Variants in MUC5B observed in about 807,000 individuals in gnomAD.
The protein encoded by MUC5B is mucin 5B, oligomeric mucus/gel-forming.
MUC5B carries 116 observed loss-of-function variants against 376.9 expected under a neutral mutation model. That is an observed-to-expected ratio of 0.31 (90% confidence interval 0.26 to 0.36). MUC5B has a LOEUF of 0.36. MUC5B is among the 10% of genes least tolerant of loss of function. MUC5B has a pLI of 1.00. For synonymous variants in MUC5B, 3,517 were observed against 3,390.9 expected (o/e 1.04, Z -1.29); for missense variants, 7,165 against 7,769.9 (o/e 0.92, Z 2.93).
At chr11:1,231,044 C>T (rs756705082) in intron 13 of MUC5B, 39 bp downstream of exon 13, 2 of 1,540,556 alleles carry the variant, frequency 1.3e-6, no homozygotes, top group African/African-American at 1.4e-5. Context: ...TGGGTGGCGC[C>T]TGCTTGCAGG....
At position 1,241,518 on chromosome 11, in the gene MUC5B, C is replaced by T. The variant is rs1564938703; in HGVS notation, c.4638C>T (p.Asp1546=). 1 of 1,613,292 alleles carries T rather than the reference C, an allele frequency of 6.2e-7. No individual in the cohort carries two copies. The highest frequency in any genetic ancestry group is 8.5e-7 in the Non-Finnish European group (1 of 1,179,748). The change falls in exon 31 of 49, where the codon GAC becomes GAT. Residue 1546 remains aspartate (D), a synonymous_variant. Coordinates refer to ENST00000529681, the MANE Select transcript of MUC5B (RefSeq NM_002458.3). ...AGGHLCQQPK[D]IECQAESFPN... ...GGCACTTATGCCAGCAGCCTAAGGA[C>T]ATAGAGTGCCAGGCCGAGAGCTTCC...
chr11:1,228,899 G>A lies in MUC5B; in HGVS notation c.976+134G>A. The stretch of plus-strand genomic sequence containing the variant: ...CAGAGGACCCACCCCAGGCATAGTG[G>A]GCAGAGGCCACCCCAGGACCCCAGG... On this transcript the variant is annotated intron_variant, in intron 8 of 48. Coordinates refer to ENST00000529681, the MANE Select transcript of MUC5B (RefSeq NM_002458.3). 4.4e-6 allele frequency: 4 copies of A among 915,542 alleles called. No individual in the cohort carries two copies. In the South Asian group the frequency reaches 7.3e-5, roughly 17 times the overall value. 56.7% of individuals were successfully genotyped at this position (915,542 alleles called of 1,614,324 possible).
chr11:1,251,060 C>T lies in MUC5B; in HGVS notation c.14180C>T (p.Ser4727Phe). The change falls in exon 31 of 49, where the codon TCC becomes TTC. Residue 4727 changes from serine to phenylalanine, a missense_variant. Transcript: ENST00000529681. ...ACCAGCTCCAAAGCCACTTCCTCCT[C>T]CAGTCCAAGGACTGCAACCACCCTT... ...AATSSKATSSSSPRTATTLPV... is the reference protein window; with the variant it reads ...AATSSKATSSFSPRTATTLPV... 1.2e-6 allele frequency: 2 copies of T among 1,611,506 alleles called. No individual in the cohort carries two copies. The highest frequency in any genetic ancestry group is 2.2e-5 in the South Asian group (2 of 91,034).
chr11:1,228,483 C>A, intron 7 of MUC5B, 81 bp from the exon 8 acceptor site: 2 of 1,333,720 alleles, frequency 1.5e-6, no homozygotes, highest in Non-Finnish European at 2.0e-6. Context: ...CCCGGCCTGG[C>A]CTGCCATGGG....
Position 1,251,151 on chromosome 11 carries a change from C to A in MUC5B, c.14271C>A (p.Thr4757=), listed in dbSNP as rs765948744. 1 of 1,611,256 alleles carries A rather than the reference C, an allele frequency of 6.2e-7. No homozygotes were observed. The highest frequency in any genetic ancestry group is 8.5e-7 in the Non-Finnish European group (1 of 1,178,234). Residue 4757 remains threonine (T), a synonymous_variant, in exon 31 of 49, where the codon ACC becomes ACA. Coordinates refer to ENST00000529681, the MANE Select transcript of MUC5B (RefSeq NM_002458.3). ...ATSFTPIPSS[T]LWTTWTVPAQ... Reference sequence around the variant, plus strand: ...GCTTTACACCCATCCCCTCCTCCACCCTGTGGACCACGTGGACCGTCCCAG... The same window carrying A: ...GCTTTACACCCATCCCCTCCTCCACACTGTGGACCACGTGGACCGTCCCAG...
At chr11:1,223,611 C>A (rs948099731) in intron 1 of MUC5B, among the ~76,000 whole-genome samples, 1 of 152,194 alleles carries the variant, frequency 6.6e-6, no homozygotes, top group Non-Finnish European at 1.5e-5. Flanking sequence ...CCGGCTCTAC[C>A]CTTCACGACC....
In MUC5B at chr11:1,252,505, A is replaced by G. The variant is rs1202170821; in HGVS notation, c.15026A>G (p.Asn5009Ser). ...SSPSPAPGCD[N>S]AIPLRQVNET... is the part of the protein sequence containing the mutation. Reference sequence around the variant, plus strand: ...CCCTCCCCTGCCCCTGGCTGTGACAATGCCATCCCTCTCCGGCAGGTGGGC... The same window carrying G: ...CCCTCCCCTGCCCCTGGCTGTGACAGTGCCATCCCTCTCCGGCAGGTGGGC... Residue 5009 changes from asparagine to serine, a missense_variant, in exon 32 of 49, where the codon AAT becomes AGT. Coordinates refer to ENST00000529681, the MANE Select transcript of MUC5B (RefSeq NM_002458.3). The G allele has an allele frequency of 1.9e-6, 3 of 1,561,058 alleles. No individual in the cohort carries two copies. Among genetic ancestry groups the G allele is most frequent in the East Asian group, 2.3e-5 (1 of 44,302 alleles).
chr11:1,247,433 C>A lies in MUC5B; in HGVS notation c.10553C>A (p.Thr3518Asn). The A allele has an allele frequency of 6.2e-7, 1 of 1,609,860 alleles. No homozygotes were observed. Among genetic ancestry groups the A allele is most frequent in the Non-Finnish European group, 8.5e-7 (1 of 1,178,962 alleles). The change falls in exon 31 of 49, where the codon ACC becomes AAC. Residue 3518 changes from threonine (T) to asparagine (N), a missense_variant. This residue lies in a region of MUC5B where 939 missense variants were observed against 770.6 expected (regional missense o/e 1.22). Coordinates refer to ENST00000529681, the MANE Select transcript of MUC5B (RefSeq NM_002458.3). Reference protein sequence around the residue: ...ALSSPHPSSRTTESPPSPGTT... With the variant: ...ALSSPHPSSRNTESPPSPGTT... Reference sequence around the variant, plus strand: ...TCCAGCCCTCACCCTAGCAGCAGGACCACCGAGTCACCCCCTTCTCCAGGG... The same window carrying A: ...TCCAGCCCTCACCCTAGCAGCAGGAACACCGAGTCACCCCCTTCTCCAGGG...
rs368062236 is a variant in MUC5B at position 1,247,287 on chromosome 11, A to C, written c.10407A>C (p.Thr3469=). 6.2e-7 allele frequency: 1 copy of C among 1,611,724 alleles called. No individual in the cohort carries two copies. The highest frequency in any genetic ancestry group is 1.1e-5 in the South Asian group (1 of 90,974). The change falls in exon 31 of 49, where the codon ACA becomes ACC. Residue 3469 remains threonine, a synonymous_variant. Coordinates refer to ENST00000529681, the MANE Select transcript of MUC5B (RefSeq NM_002458.3). The part of the protein sequence containing the change: ...LPPSSPHTVR[T]AWTSATSGIL... ...CCAGCAGTCCCCACACGGTGCGCAC[A>C]GCCTGGACTTCGGCCACCTCGGGCA...
Position 1,249,448 on chromosome 11 carries a change from G to A in MUC5B, c.12568G>A (p.Val4190Ile), listed in dbSNP as rs1340694750. The change falls in exon 31 of 49, where the codon GTC becomes ATC. Residue 4190 changes from valine (V) to isoleucine (I), a missense_variant. By Grantham distance (29) the Val-to-Ile change is conservative. Transcript: ENST00000529681. ...PGVPLGELGQ[V>I]VECSLDFGLV... Reference sequence around the variant, plus strand: ...TGTCCCCCTGGGGGAGTTGGGCCAGGTCGTGGAATGCAGCCTGGACTTTGG... The same window carrying A: ...TGTCCCCCTGGGGGAGTTGGGCCAGATCGTGGAATGCAGCCTGGACTTTGG... 2.5e-6 allele frequency: 4 copies of A among 1,611,342 alleles called. No individual in the cohort carries two copies. Among genetic ancestry groups the A allele is most frequent in the East Asian group, 2.2e-5 (1 of 44,886 alleles).
Position 1,238,953 on chromosome 11 carries a change from C to T in MUC5B, c.3380C>T (p.Thr1127Met), listed in dbSNP as rs756586772. 5 of 1,576,336 alleles carry T rather than the reference C, an allele frequency of 3.2e-6. No individual in the cohort carries two copies. The highest frequency in any genetic ancestry group is 1.3e-5 in the African/African-American group (1 of 74,208). The change falls in exon 26 of 49, where the codon ACG becomes ATG. Residue 1127 changes from threonine to methionine, a missense_variant. Physicochemically the swap from Thr to Met is moderately conservative, Grantham distance 81. Around this residue, in one of 31 missense-constraint regions of MUC5B, gnomAD observed 143 missense variants for 193.2 expected, o/e 0.74. Transcript: ENST00000529681. ...GGTGGCGACTGCGAGTGTTTCTGCACGGCTGTGGCTGCCTACGCCCAGGCC... is the reference window on the plus strand; with the variant it reads ...GGTGGCGACTGCGAGTGTTTCTGCATGGCTGTGGCTGCCTACGCCCAGGCC... The part of the protein sequence containing the change: ...DSGGDCECFC[T>M]AVAAYAQACH...
rs778292270 is a variant in MUC5B, at chr11:1,237,094, T to C, written c.3227T>C (p.Phe1076Ser). ...AAGGACCCCTGCACGGCCAACCCCT[T>C]CCGCAAGTCCTGGGCCCAGAAGCAG... is the stretch of plus-strand genomic sequence containing the variant. ...APKDPCTANP[F>S]RKSWAQKQCS... Residue 1076 changes from phenylalanine to serine, a missense_variant, in exon 25 of 49, where the codon TTC becomes TCC. Coordinates refer to ENST00000529681, the MANE Select transcript of MUC5B (RefSeq NM_002458.3). 1.3e-6 allele frequency: 2 copies of C among 1,550,874 alleles called. No homozygotes were observed. Among genetic ancestry groups the C allele is most frequent in the Non-Finnish European group, 1.7e-6 (2 of 1,145,976 alleles).
Position 1,251,075 on chromosome 11 carries a change from C to T in MUC5B, c.14195C>T (p.Ala4732Val), listed in dbSNP as rs918527372. Residue 4732 changes from alanine (A) to valine (V), a missense_variant, in exon 31 of 49, where the codon GCA becomes GTA. Transcript: ENST00000529681. ...ACTTCCTCCTCCAGTCCAAGGACTG[C>T]AACCACCCTTCCAGTGCTGACAAGC... ...KATSSSSPRT[A>V]TTLPVLTSTA... The T allele has an allele frequency of 6.2e-7, 1 of 1,611,430 alleles. No individual in the cohort carries two copies.
Position 1,251,460 on chromosome 11 carries a change from C to A in MUC5B, c.14580C>A (p.Pro4860=), listed in dbSNP as rs1277505277. Residue 4860 remains proline, a synonymous_variant, in exon 31 of 49, where the codon CCC becomes CCA. Transcript: ENST00000529681. ...GCACTATAGCCACCGTGATGGTGCC[C>A]ACCGGTTCCACGGCCACCGCCTCCT... ...EPSTIATVMV[P]TGSTATASST... The A allele has an allele frequency of 1.2e-6, 2 of 1,612,126 alleles. No individual in the cohort carries two copies. Among genetic ancestry groups the A allele is most frequent in the Non-Finnish European group, 1.7e-6 (2 of 1,178,926 alleles).
chr11:1,238,504 A>C (rs918335462), intron 25 of MUC5B, among the ~76,000 whole-genome samples: 3 of 152,200 alleles, frequency 2.0e-5, no homozygotes, highest in Non-Finnish European at 4.4e-5. Context: ...GCTATGCTCC[A>C]CATGGGTTTG....
rs751740357 is a variant in MUC5B, at chr11:1,228,709, G to A, written c.920G>A (p.Arg307His). ...TGTGCCACCTTTGTGGAATACTCACGCCAGTGCGCCCACGCGGGGGGCCAG... is the reference window on the plus strand; with the variant it reads ...TGTGCCACCTTTGTGGAATACTCACACCAGTGCGCCCACGCGGGGGGCCAG... Reference protein sequence around the residue: ...CPCATFVEYSRQCAHAGGQPR... With the variant: ...CPCATFVEYSHQCAHAGGQPR... The change falls in exon 8 of 49, where the codon CGC (arginine) becomes CAC (histidine). Residue 307 changes from arginine (R) to histidine (H), a missense_variant. Around this residue, in one of 31 missense-constraint regions of MUC5B, gnomAD observed 640 missense variants for 733.0 expected, o/e 0.87. Transcript: ENST00000529681. 118 of 1,530,614 alleles carry A rather than the reference G, an allele frequency of 7.7e-5. No homozygotes were observed. Among genetic ancestry groups the A allele is most frequent in the Non-Finnish European group, 9.8e-5 (112 of 1,143,252 alleles). The allele number at this position is 1,530,614 out of a possible 1,614,324, so 94.8% of individuals were successfully genotyped here. A position where few individuals can be genotyped will look rare whatever the true frequency, so the allele number is the denominator to read the frequency against.
chr11:1,250,591 A>G lies in MUC5B; in HGVS notation c.13711A>G (p.Thr4571Ala). 1.9e-6 allele frequency: 3 copies of G among 1,613,502 alleles called. No individual in the cohort carries two copies. Among genetic ancestry groups the G allele is most frequent in the Non-Finnish European group, 2.5e-6 (3 of 1,179,790 alleles). Residue 4571 changes from threonine to alanine, a missense_variant, in exon 31 of 49, where the codon ACA becomes GCA. Thr to Ala is a moderately conservative substitution (Grantham distance 58). Transcript: ENST00000529681. ...CACAGTGCTTACCGCCACGGCCACC[A>G]CAACCGGGGCCACCGGCTCTGTGGC... The part of the protein sequence containing the change: ...TSTVLTATAT[T>A]TGATGSVATP...
chr11:1,232,807 C>T (rs755269580), intron 17 of MUC5B, 37 bp downstream of exon 17: 6 of 1,553,932 alleles, frequency 3.9e-6, no homozygotes, highest in South Asian at 2.4e-5. Flanking sequence ...GTGTCCACAC[C>T]GCGTGGGGGT....
intron 5 of MUC5B, 80 bp from the exon 6 acceptor site, chr11:1,227,228 T>A: frequency 1.3e-6 from 2 of 1,572,314 alleles, no homozygotes; most frequent in Non-Finnish European, 8.7e-7. Flanking sequence ...TCCCTGGGCT[T>A]GGGGTCACGG....
Sources: allele counts gnomAD v4.1 joint callset (sites outside exome capture counted in the v4.1 genomes callset), GRCh38; gene constraint gnomAD v4.1.1; regional missense constraint gnomAD v4.1.1; transcripts MANE v1.5; gene names NCBI Gene and HGNC (gene_info 2026-07-23, HGNC 2026-07-21).